Variants in CCDC73 observed in about 807,000 individuals in gnomAD.
CCDC73 encodes coiled-coil domain containing 73.
CCDC73 carries 95 observed loss-of-function variants against 116.5 expected under a neutral mutation model. The ratio of observed to expected loss-of-function variants is 0.82; its 90% CI spans 0.69 to 0.97. The LOEUF is 0.97. Among genes scored for constraint, CCDC73 ranks in the 50% least tolerant of loss-of-function variants. CCDC73 has a pLI of 0.00. For synonymous variants in CCDC73, 398 were observed against 401.3 expected (o/e 0.99, Z 0.10); for missense variants, 1,066 against 1,206.8 (o/e 0.88, Z 1.73).
chr11:32,659,267 T>C (rs1855900831), intron 9 of CCDC73, among the ~76,000 whole-genome samples: 1 of 152,170 alleles, frequency 6.6e-6, no homozygotes. Flanking sequence ...GAACCCAATG[T>C]GTGACCTGTT....
At chr11:32,771,080 G>A (rs983946739) in intron 1 of CCDC73, among the ~76,000 whole-genome samples, 1 of 152,124 alleles carries the variant, frequency 6.6e-6, no homozygotes, top group African/African-American at 2.4e-5. Flanking sequence ...TAAAAAGATT[G>A]GCTTTGGAGA....
At chr11:32,669,309 C>G (rs915338690) in intron 9 of CCDC73, among the ~76,000 whole-genome samples, 1 of 151,860 alleles carries the variant, frequency 6.6e-6, no homozygotes, top group Non-Finnish European at 1.5e-5. Flanking sequence ...CTTTTATGCT[C>G]AACTGATTTT....
intron 1 of CCDC73, among the ~76,000 whole-genome samples, chr11:32,793,302 G>C (rs891819700): frequency 6.6e-6 from 1 of 152,132 alleles, no homozygotes; most frequent in African/African-American, 2.4e-5. Flanking sequence ...ACCAGTGAAG[G>C]ACTACAGAGG....
chr11:32,738,317 C>G (rs1850153980), intron 2 of CCDC73, among the ~76,000 whole-genome samples: 1 of 152,176 alleles, frequency 6.6e-6, no homozygotes, highest in Admixed American at 6.5e-5. Context: ...TACATTTCCA[C>G]CAACAGTGTA....
intron 4 of CCDC73, among the ~76,000 whole-genome samples, chr11:32,702,175 A>C (rs1463186184): frequency 1.3e-5 from 2 of 152,248 alleles, no homozygotes; most frequent in African/African-American, 4.8e-5. Flanking sequence ...AGATAAAAAT[A>C]GGAAAGGAAA....
At chr11:32,631,819 T>A (rs1855634056) in intron 14 of CCDC73, among the ~76,000 whole-genome samples, 1 of 152,080 alleles carries the variant, frequency 6.6e-6, no homozygotes, top group South Asian at 2.1e-4. Context: ...CCAGCCTGGG[T>A]GACAGAGCAA....
intron 6 of CCDC73, among the ~76,000 whole-genome samples, chr11:32,689,641 A>G (rs556675991): frequency 1.3e-5 from 2 of 152,308 alleles, no homozygotes; most frequent in Admixed American, 1.3e-4. Context: ...AAAGGTCATT[A>G]TAAATAAAAA....
At chr11:32,739,768 T>C (rs867413483) in intron 2 of CCDC73, among the ~76,000 whole-genome samples, 11 of 152,258 alleles carry the variant, frequency 7.2e-5, no homozygotes, top group Middle Eastern at 6.8e-3. Context: ...TTCCAGATTT[T>C]AGAGGAAAAG....
chr11:32,664,141 C>G (rs1343295803), intron 9 of CCDC73, among the ~76,000 whole-genome samples: 1 of 152,124 alleles, frequency 6.6e-6, no homozygotes, highest in Non-Finnish European at 1.5e-5. Context: ...CTAAAATTCT[C>G]TTTTTTTATT....
chr11:32,720,130 T>C (rs1849977850), intron 2 of CCDC73, among the ~76,000 whole-genome samples: 1 of 152,158 alleles, frequency 6.6e-6, no homozygotes, highest in Non-Finnish European at 1.5e-5. Flanking sequence ...CAAATTTTGA[T>C]GCAAAAATCC....
intron 1 of CCDC73, among the ~76,000 whole-genome samples, chr11:32,770,102 G>A (rs1461267862): frequency 6.6e-6 from 1 of 152,130 alleles, no homozygotes; most frequent in Non-Finnish European, 1.5e-5. Flanking sequence ...TTTTATATAG[G>A]CTGTTTTATA....
intron 3 of CCDC73, among the ~76,000 whole-genome samples, chr11:32,714,139 A>G (rs1849924500): frequency 6.6e-6 from 1 of 152,114 alleles, no homozygotes; most frequent in Non-Finnish European, 1.5e-5. Flanking sequence ...TCATTTATTT[A>G]GAAATTCATT....
chr11:32,625,774 C>T (rs1268032847), intron 14 of CCDC73, among the ~76,000 whole-genome samples: 1 of 152,058 alleles, frequency 6.6e-6, no homozygotes, highest in East Asian at 1.9e-4. Context: ...TGACAAAATT[C>T]AACAGCCCTT....
the CCDC73 span, among the ~76,000 whole-genome samples, chr11:32,822,886 A>G: frequency 6.6e-6 from 1 of 152,208 alleles, no homozygotes; most frequent in South Asian, 2.1e-4. Flanking sequence ...GAATTAATTC[A>G]TTCAGTATTT....
At chr11:32,742,310 A>G (rs1056573807) in intron 2 of CCDC73, among the ~76,000 whole-genome samples, 1 of 152,162 alleles carries the variant, frequency 6.6e-6, no homozygotes, top group African/African-American at 2.4e-5. Flanking sequence ...CAACCTCTCC[A>G]GCATCTGCTG....
chr11:32,732,378 C>T (rs1850086893), intron 2 of CCDC73, among the ~76,000 whole-genome samples: 1 of 152,092 alleles, frequency 6.6e-6, no homozygotes, highest in African/African-American at 2.4e-5. Context: ...CCCCAACCTA[C>T]CAAGGCAGGC....
At chr11:32,637,017 C>CT (rs71063750) in intron 13 of CCDC73, among the ~76,000 whole-genome samples, 33,646 of 87,142 alleles carry the variant, frequency 0.39, 7,433 homozygotes, top group African/African-American at 0.51. Context: ...TTTTCTTTTT[C>CT]TTTTTTTTTT....
At chr11:32,730,970 C>T (rs933485422) in intron 2 of CCDC73, among the ~76,000 whole-genome samples, 55 of 152,094 alleles carry the variant, frequency 3.6e-4, no homozygotes, top group South Asian at 2.1e-4. Flanking sequence ...CAAAGCAGGG[C>T]GAGGCATCAT....
At chr11:32,800,624 A>T in the CCDC73 span, among the ~76,000 whole-genome samples, 1 of 152,104 alleles carries the variant, frequency 6.6e-6, no homozygotes, top group African/African-American at 2.4e-5. Context: ...GGACCCCTTT[A>T]CTTATGTTAA....
Sources: allele counts gnomAD v4.1 joint callset (sites outside exome capture counted in the v4.1 genomes callset), GRCh38; gene constraint gnomAD v4.1.1; transcripts MANE v1.5; gene names NCBI Gene and HGNC (gene_info 2026-07-23, HGNC 2026-07-21).